PRR16: variants seen among roughly 807,000 people sequenced by gnomAD.
PRR16 encodes proline rich 16.
PRR16 carries 6 observed loss-of-function variants against 18.2 expected under a neutral mutation model. The observed-to-expected ratio is 0.33, with a 90% CI of 0.18 to 0.65. The LOEUF (loss-of-function observed/expected upper bound fraction) is 0.65, where lower values mean the gene tolerates loss of function less well. Among genes scored for constraint, PRR16 ranks in the 30% least tolerant of loss-of-function variants. The probability of loss-of-function intolerance (pLI) is 0.74; values close to 1 mark genes in which losing one functional copy is unlikely to be tolerated. For synonymous variants in PRR16, 151 were observed against 147.8 expected (o/e 1.02, Z -0.16); for missense variants, 412 against 376.6 (o/e 1.09, Z -0.78).
chr5:120,577,649 C>T (rs1419568433), intron 1 of PRR16, among the ~76,000 whole-genome samples: 2 of 152,070 alleles, frequency 1.3e-5, no homozygotes, highest in African/African-American at 4.8e-5. Flanking sequence ...TTTGGTGTGC[C>T]TTCTTCTATT....
intron 1 of PRR16, among the ~76,000 whole-genome samples, chr5:120,499,525 T>A (rs1018259020): frequency 1.3e-5 from 2 of 152,166 alleles, no homozygotes; most frequent in Non-Finnish European, 2.9e-5. Context: ...TTCTGTTTCT[T>A]CTGTTCTGCT....
chr5:120,726,138 T>G, the PRR16 span, among the ~76,000 whole-genome samples: 1 of 152,144 alleles, frequency 6.6e-6, no homozygotes, highest in Non-Finnish European at 1.5e-5. Flanking sequence ...ATAGACTGCA[T>G]GTGATTTTGG....
intron 1 of PRR16, among the ~76,000 whole-genome samples, chr5:120,486,912 C>G (rs1749822445): frequency 6.6e-6 from 1 of 152,150 alleles, no homozygotes; most frequent in Admixed American, 6.6e-5. Flanking sequence ...GAATCCTTTC[C>G]CCATTTCCTG....
At chr5:120,778,597 G>C in the PRR16 span, among the ~76,000 whole-genome samples, 1 of 152,130 alleles carries the variant, frequency 6.6e-6, no homozygotes, top group African/African-American at 2.4e-5. Context: ...AATAACAGAG[G>C]AAAATCCCAG....
intron 1 of PRR16, among the ~76,000 whole-genome samples, chr5:120,556,230 A>ATTTTTT (rs1232157382): frequency 9.9e-6 from 1 of 100,512 alleles, no homozygotes; most frequent in African/African-American, 4.1e-5. Flanking sequence ...GGTCAATTTC[A>ATTTTTT]TTGTTTTTTT....
the PRR16 span, among the ~76,000 whole-genome samples, chr5:120,750,971 A>G: frequency 1.3e-5 from 2 of 152,120 alleles, no homozygotes; most frequent in Admixed American, 1.3e-4. Flanking sequence ...ACTGGTAACC[A>G]TCATTCTATT....
chr5:120,587,746 A>C (rs939765618), intron 1 of PRR16, among the ~76,000 whole-genome samples: 1 of 152,228 alleles, frequency 6.6e-6, no homozygotes, highest in South Asian at 2.1e-4. Flanking sequence ...TGTTGTTTTC[A>C]TGCCTGTTAT....
chr5:120,504,279 T>C (rs1750568533), intron 1 of PRR16, among the ~76,000 whole-genome samples: 1 of 152,184 alleles, frequency 6.6e-6, no homozygotes, highest in Non-Finnish European at 1.5e-5. Context: ...CCATGTTGCA[T>C]CACCTCAAGT....
chr5:120,594,375 A>G (rs1753735912), intron 1 of PRR16, among the ~76,000 whole-genome samples: 1 of 152,094 alleles, frequency 6.6e-6, no homozygotes, highest in South Asian at 2.1e-4. Context: ...AAAAAATAAT[A>G]GTAATAAAAT....
Position 120,664,727 on chromosome 5 carries a change from G to C in PRR16, c.160-21227G>C, listed in dbSNP as rs192681198. Among the ~76,000 whole-genome samples the C allele has an allele frequency of 9.3e-3, 1,402 of 151,062 alleles. 28 individuals carry two copies. The highest frequency in any genetic ancestry group is 0.033 in the African/African-American group (1,345 of 41,104). Reference sequence around the variant, plus strand: ...GCAGTGTTTGGTTTTTTGTCCTTGCGATAGTTTACTGAGAATGATGATTTC... The same window carrying C: ...GCAGTGTTTGGTTTTTTGTCCTTGCCATAGTTTACTGAGAATGATGATTTC... On this transcript the variant is annotated intron_variant, in intron 1 of 1. Coordinates refer to ENST00000407149, the MANE Select transcript of PRR16 (RefSeq NM_001300783.2).
chr5:120,763,746 G>A, the PRR16 span, among the ~76,000 whole-genome samples: 1 of 151,830 alleles, frequency 6.6e-6, no homozygotes. Flanking sequence ...TTTTTTGTAA[G>A]TTTACTTGTA....
At chr5:120,602,803 C>A (rs990000051) in intron 1 of PRR16, among the ~76,000 whole-genome samples, 1 of 151,928 alleles carries the variant, frequency 6.6e-6, no homozygotes, top group Non-Finnish European at 1.5e-5. Context: ...AATGCCATAT[C>A]TGAGTCTATT....
chr5:120,601,767 C>T (rs760856383), intron 1 of PRR16, among the ~76,000 whole-genome samples: 43 of 151,998 alleles, frequency 2.8e-4, no homozygotes, highest in Non-Finnish European at 6.2e-4. Context: ...GGTCCAGTTT[C>T]AGTCTTCCAC....
chr5:120,737,307 G>GTTTTTTTT, the PRR16 span, among the ~76,000 whole-genome samples: 1 of 51,100 alleles, frequency 2.0e-5, no homozygotes, highest in South Asian at 1.0e-3. Context: ...AGTTTGTTGA[G>GTTTTTTTT]TTTTTTTTTT....
chr5:120,582,392 T>G (rs1383224239), intron 1 of PRR16, among the ~76,000 whole-genome samples: 1 of 152,082 alleles, frequency 6.6e-6, no homozygotes, highest in Non-Finnish European at 1.5e-5. Context: ...GAAACCTAAT[T>G]CGAACCATTA....
the PRR16 span, among the ~76,000 whole-genome samples, chr5:120,697,059 C>T: frequency 6.6e-6 from 1 of 152,026 alleles, no homozygotes; most frequent in African/African-American, 2.4e-5. Flanking sequence ...TTTATGTTGA[C>T]TTTTTTAAAA....
Position 120,686,388 on chromosome 5 carries a change from G to A in PRR16, c.594G>A (p.Gln198=), listed in dbSNP as rs866705983. ...GACCTGAAAAAGACAGATGTCCCCAGGCAGGGCCTCGAGAACGAGTTCGGT... is the reference window on the plus strand; with the variant it reads ...GACCTGAAAAAGACAGATGTCCCCAAGCAGGGCCTCGAGAACGAGTTCGGT... The part of the protein sequence containing the change: ...MHRPEKDRCP[Q]AGPRERVRFN... The change falls in exon 2 of 2, where the codon CAG becomes CAA. Residue 198 remains glutamine (Q), a synonymous_variant. Coordinates refer to ENST00000407149, the MANE Select transcript of PRR16 (RefSeq NM_001300783.2). The A allele has an allele frequency of 2.5e-6, 4 of 1,614,122 alleles. No homozygotes were observed. Among genetic ancestry groups the A allele is most frequent in the Non-Finnish European group, 3.4e-6 (4 of 1,180,010 alleles).
At position 120,552,452 on chromosome 5, in the gene PRR16, AATATTTATCATTTTTACT is replaced by A. The variant is rs540379270; in HGVS notation, c.159+87810_159+87827del. On this transcript the variant is annotated intron_variant, in intron 1 of 1. Coordinates refer to ENST00000407149, the MANE Select transcript of PRR16 (RefSeq NM_001300783.2). ...AATTGTAAGGCAGTTACTGAAACAC[AATATTTATCATTTTTACT>A]ATTTAGAATTTATCCCATTTATATC... Among the ~76,000 whole-genome samples, 15 of 152,034 alleles carry A rather than the reference AATATTTATCATTTTTACT, an allele frequency of 9.9e-5. No homozygotes were observed. In the South Asian group the frequency reaches 2.9e-3, roughly 29 times the overall value.
At chr5:120,642,200 T>A (rs1295183808) in intron 1 of PRR16, among the ~76,000 whole-genome samples, 1 of 152,126 alleles carries the variant, frequency 6.6e-6, no homozygotes, top group Non-Finnish European at 1.5e-5. Context: ...AAAGATCTTT[T>A]TAAATATTTT....
Sources: gnomAD v4.1 joint callset for allele counts (sites outside exome capture counted in the v4.1 genomes callset) on GRCh38, gnomAD v4.1.1 for gene constraint, MANE v1.5 for transcripts, NCBI Gene and HGNC (gene_info 2026-07-23, HGNC 2026-07-21) for gene names.